MROH9: variants seen among roughly 807,000 people sequenced by gnomAD.
MROH9 encodes maestro heat like repeat family member 9.
In MROH9, 92 loss-of-function variants were observed where a neutral mutation model predicts 98.2. The ratio of observed to expected loss-of-function variants is 0.94; its 90% CI spans 0.79 to 1.11. The LOEUF (loss-of-function observed/expected upper bound fraction) is 1.11, where lower values mean the gene tolerates loss of function less well. Ranked by LOEUF, MROH9 falls within the 50% of genes most tolerant of loss-of-function variation. The pLI is 0.00. For missense variants in MROH9, 1,057 were observed against 1,014.8 expected, an observed-to-expected ratio of 1.04 and a Z score of -0.57; for synonymous variants, 397 against 368.9, an observed-to-expected ratio of 1.08 and a Z score of -0.87.
intron 20 of MROH9, among the ~76,000 whole-genome samples, chr1:171,041,408 T>C (rs377500696): frequency 7.7e-4 from 79 of 103,024 alleles, no homozygotes; most frequent in Middle Eastern, 5.9e-3. Context: ...TCAAGATACA[T>C]ACACACACAC....
chr1:170,942,006 G>A (rs1649139145), intron 1 of MROH9, among the ~76,000 whole-genome samples: 2 of 152,032 alleles, frequency 1.3e-5, no homozygotes, highest in Admixed American at 1.3e-4. Context: ...CCAACTCCCT[G>A]AGCTGCACCA....
chr1:171,016,019 A>G, intron 16 of MROH9, 144 bp from the exon 17 acceptor site: 1 of 439,100 alleles, frequency 2.3e-6, no homozygotes, highest in East Asian at 3.6e-5. Context: ...AAAAGTCAAC[A>G]TTTTTGAAAA....
At chr1:170,976,922 C>T (rs917242986) in intron 8 of MROH9, among the ~76,000 whole-genome samples, 3 of 152,004 alleles carry the variant, frequency 2.0e-5, no homozygotes, top group African/African-American at 7.2e-5. Flanking sequence ...AGGTTTTGTT[C>T]TTTCCTTTAC....
chr1:170,986,799 T>C, intron 10 of MROH9, 89 bp downstream of exon 10: 2 of 1,347,390 alleles, frequency 1.5e-6, no homozygotes, highest in Non-Finnish European at 2.0e-6. Context: ...TCTTTTTATA[T>C]GTATTTCTTG....
chr1:170,965,139 T>C lies in MROH9; in HGVS notation c.376-12T>C, dbSNP rs916328877. 38 of 1,591,858 alleles carry C rather than the reference T, an allele frequency of 2.4e-5. No homozygotes were observed. The highest frequency in any genetic ancestry group is 2.8e-5 in the Non-Finnish European group (33 of 1,161,870). On this transcript the variant is annotated splice_polypyrimidine_tract_variant and intron_variant, in intron 6 of 21. Coordinates refer to ENST00000367759, the MANE Select transcript of MROH9 (RefSeq NM_001163629.2). ...TTTCATGGTTCTAGGATGACTTTTA[T>C]GTTTCCAACAGGAAATGCTCGTGTG...
chr1:171,017,821 T>A (rs946773118), intron 17 of MROH9, among the ~76,000 whole-genome samples: 3 of 151,946 alleles, frequency 2.0e-5, no homozygotes, highest in Admixed American at 2.0e-4. Flanking sequence ...CCTGGACCCA[T>A]CCCTCCTCGC....
intron 13 of MROH9, 60 bp from the exon 14 acceptor site, chr1:170,996,447 G>A (rs549656149): frequency 6.3e-7 from 1 of 1,585,760 alleles, no homozygotes; most frequent in South Asian, 1.1e-5. Flanking sequence ...CAGGTAATGT[G>A]TATTTAGTTT....
chr1:170,958,159 A>G (rs1313318637), intron 3 of MROH9, among the ~76,000 whole-genome samples: 2 of 151,562 alleles, frequency 1.3e-5, no homozygotes, highest in African/African-American at 2.4e-5. Flanking sequence ...GGGACTTAAT[A>G]GTTATAGTGG....
intron 15 of MROH9, among the ~76,000 whole-genome samples, chr1:170,998,957 C>T (rs1651689655): frequency 6.6e-6 from 1 of 151,964 alleles, no homozygotes; most frequent in South Asian, 2.1e-4. Flanking sequence ...TATACTATAC[C>T]ATCTACTTCT....
chr1:171,028,975 C>T (rs1326819787), intron 20 of MROH9, among the ~76,000 whole-genome samples: 2 of 152,138 alleles, frequency 1.3e-5, no homozygotes, highest in Non-Finnish European at 2.9e-5. Context: ...ATTTGACTTC[C>T]TCCCTTCCTG....
chr1:171,049,289 A>C (rs945908991), intron 20 of MROH9, among the ~76,000 whole-genome samples: 1 of 152,170 alleles, frequency 6.6e-6, no homozygotes, highest in Non-Finnish European at 1.5e-5. Flanking sequence ...TAGAAAAAAC[A>C]GTCCTGAATC....
At chr1:171,027,585 G>C (rs1652761897) in intron 20 of MROH9, among the ~76,000 whole-genome samples, 1 of 152,154 alleles carries the variant, frequency 6.6e-6, no homozygotes, top group Admixed American at 6.5e-5. Flanking sequence ...AGGGATTGCT[G>C]GGTTAAATGG....
At chr1:170,949,556 G>C (rs1424651932) in intron 3 of MROH9, among the ~76,000 whole-genome samples, 2 of 152,082 alleles carry the variant, frequency 1.3e-5, no homozygotes, top group African/African-American at 4.8e-5. Flanking sequence ...ACAGACATCT[G>C]AGTTGAAGTG....
chr1:170,955,292 T>G (rs907812616), intron 3 of MROH9, among the ~76,000 whole-genome samples: 1 of 152,172 alleles, frequency 6.6e-6, no homozygotes, highest in Non-Finnish European at 1.5e-5. Flanking sequence ...TGTGCCAGTT[T>G]CTTTTTCAAA....
chr1:170,942,395 A>T (rs974602115), intron 1 of MROH9, among the ~76,000 whole-genome samples: 16 of 149,632 alleles, frequency 1.1e-4, no homozygotes, highest in Non-Finnish European at 2.1e-4. Context: ...ACACACACAC[A>T]CACACACACA....
intron 13 of MROH9, among the ~76,000 whole-genome samples, 168 bp from the exon 14 acceptor site, chr1:170,996,339 C>T (rs1045260784): frequency 4.6e-5 from 7 of 152,166 alleles, no homozygotes; most frequent in Admixed American, 2.6e-4. Flanking sequence ...ATCCCATGTA[C>T]TGTTAATCAG....
chr1:171,006,649 C>T (rs886753375), intron 15 of MROH9, among the ~76,000 whole-genome samples: 2 of 149,622 alleles, frequency 1.3e-5, no homozygotes, highest in Non-Finnish European at 3.0e-5. Flanking sequence ...TGTCTTTACT[C>T]TCTTTCATTC....
At chr1:170,983,391 C>G (rs373241096) in intron 8 of MROH9, 31 bp from the exon 9 acceptor site, 9 of 1,464,268 alleles carry the variant, frequency 6.1e-6, no homozygotes, top group Non-Finnish European at 8.6e-6. Flanking sequence ...GATCAAATAA[C>G]AACCTGAAAC....
At chr1:171,052,045 T>TA (rs1653686402) in intron 20 of MROH9, among the ~76,000 whole-genome samples, 1 of 151,674 alleles carries the variant, frequency 6.6e-6, no homozygotes, top group South Asian at 2.1e-4. Context: ...TTTTTTTTTT[T>TA]ATTAATTACT....
Sources: allele counts gnomAD v4.1 joint callset (sites outside exome capture counted in the v4.1 genomes callset), GRCh38; gene constraint gnomAD v4.1.1; transcripts MANE v1.5; gene names NCBI Gene and HGNC (gene_info 2026-07-23, HGNC 2026-07-21).